CEMIP: variants seen among roughly 807,000 people sequenced by gnomAD.
The protein encoded by CEMIP is cell migration inducing hyaluronidase 1, also known as cell migration-inducing and hyaluronan-binding protein.
In CEMIP, 105 loss-of-function variants were observed where a neutral mutation model predicts 156.9. The observed-to-expected ratio is 0.67, with a 90% CI of 0.57 to 0.79. The LOEUF is 0.79. Ranked by LOEUF, CEMIP falls within the 30% of genes least tolerant of loss-of-function variation. The probability of loss-of-function intolerance (pLI) is 0.00; values close to 1 mark genes in which losing one functional copy is unlikely to be tolerated. For synonymous variants in CEMIP, 676 were observed against 668.4 expected (o/e 1.01, Z -0.17); for missense variants, 1,457 against 1,769.4 (o/e 0.82, Z 3.17).
intron 1 of CEMIP, among the ~76,000 whole-genome samples, chr15:80,798,977 C>T (rs1010041613): frequency 5.3e-5 from 8 of 152,204 alleles, no homozygotes; most frequent in Non-Finnish European, 1.0e-4. Flanking sequence ...TACTAACTTG[C>T]TATCCCAGGA....
intron 1 of CEMIP, among the ~76,000 whole-genome samples, chr15:80,833,887 C>T (rs1272076914): frequency 3.3e-5 from 5 of 152,120 alleles, no homozygotes. Flanking sequence ...CCAGGCTGGT[C>T]TTGAACTCGT....
At chr15:80,832,245 C>T (rs530162530) in intron 1 of CEMIP, among the ~76,000 whole-genome samples, 1 of 151,790 alleles carries the variant, frequency 6.6e-6, no homozygotes, top group Non-Finnish European at 1.5e-5. Flanking sequence ...AAGTAATTCA[C>T]TCTTTGATCT....
At chr15:80,837,522 C>T (rs1275883578) in intron 1 of CEMIP, among the ~76,000 whole-genome samples, 1 of 152,198 alleles carries the variant, frequency 6.6e-6, no homozygotes, top group Non-Finnish European at 1.5e-5. Flanking sequence ...AAGGGTTGCC[C>T]AGAAACATAC....
intron 14 of CEMIP, among the ~76,000 whole-genome samples, chr15:80,918,287 A>C (rs1225466217): frequency 6.6e-6 from 1 of 152,104 alleles, no homozygotes; most frequent in Non-Finnish European, 1.5e-5. Context: ...AAAAAGAAAA[A>C]AGAAAAAAAA....
chr15:80,783,346 C>T (rs1210395987), intron 1 of CEMIP, among the ~76,000 whole-genome samples: 1 of 152,226 alleles, frequency 6.6e-6, no homozygotes, highest in Non-Finnish European at 1.5e-5. Context: ...GTCTGGACTA[C>T]ACATCTCTTT....
At chr15:80,840,700 G>A (rs916692092) in intron 1 of CEMIP, among the ~76,000 whole-genome samples, 12 of 152,330 alleles carry the variant, frequency 7.9e-5, no homozygotes, top group Admixed American at 2.0e-4. Context: ...TGCAGCGCCC[G>A]AGTGTTTGCC....
chr15:80,851,888 C>T (rs1225093855), intron 1 of CEMIP, among the ~76,000 whole-genome samples: 1 of 152,032 alleles, frequency 6.6e-6, no homozygotes, highest in Non-Finnish European at 1.5e-5. Flanking sequence ...GAAAGACTAT[C>T]CTGGCAGCAG....
intron 25 of CEMIP, among the ~76,000 whole-genome samples, chr15:80,939,004 TC>T (rs1173308664): frequency 1.3e-5 from 2 of 152,116 alleles, no homozygotes; most frequent in Non-Finnish European, 2.9e-5. Flanking sequence ...AAATTTAGAA[TC>T]AAAAGTATAA....
intron 1 of CEMIP, among the ~76,000 whole-genome samples, chr15:80,803,275 G>A (rs1896424393): frequency 1.3e-5 from 2 of 152,138 alleles, no homozygotes; most frequent in Admixed American, 1.3e-4. Context: ...AGGTTATTGG[G>A]ACAGCATTTC....
intron 1 of CEMIP, among the ~76,000 whole-genome samples, chr15:80,784,507 C>G (rs190896606): frequency 3.9e-5 from 6 of 152,236 alleles, no homozygotes; most frequent in Admixed American, 6.5e-5. Context: ...AGTGCAGTGG[C>G]CTGGAGGACA....
At chr15:80,805,266 C>T (rs867069007) in intron 1 of CEMIP, among the ~76,000 whole-genome samples, 4 of 152,220 alleles carry the variant, frequency 2.6e-5, no homozygotes, top group Middle Eastern at 3.4e-3. Flanking sequence ...GAGTCAGGTC[C>T]GAAGCAAAAG....
chr15:80,843,360 C>T (rs368140789), intron 1 of CEMIP, among the ~76,000 whole-genome samples: 107 of 152,186 alleles, frequency 7.0e-4, no homozygotes, highest in African/African-American at 2.5e-3. Context: ...AAGCTGGCAC[C>T]GTTTAGATGC....
intron 1 of CEMIP, among the ~76,000 whole-genome samples, chr15:80,798,624 T>G (rs988042113): frequency 6.6e-6 from 1 of 152,204 alleles, no homozygotes; most frequent in African/African-American, 2.4e-5. Flanking sequence ...TTGAAAGCCA[T>G]CCTATGTATT....
chr15:80,811,994 T>C (rs1435063047), intron 1 of CEMIP, among the ~76,000 whole-genome samples: 1 of 152,052 alleles, frequency 6.6e-6, no homozygotes, highest in Non-Finnish European at 1.5e-5. Context: ...TGACTCCACG[T>C]CCCGGTTTGT....
chr15:80,947,040 G>A lies in CEMIP; in HGVS notation c.3933G>A (p.Gly1311=). The change falls in exon 29 of 30, where the codon GGG becomes GGA. Residue 1311 remains glycine, a synonymous_variant. Transcript: ENST00000394685. ...GGACCAGAGTGCTGGAAAAGCTTGG[G>A]GCAGACAGGGGTCTCAAGTTGAAAG... The part of the protein sequence containing the change: ...GPWTRVLEKL[G]ADRGLKLKEQ... The A allele has an allele frequency of 6.2e-7, 1 of 1,613,676 alleles. No individual in the cohort carries two copies.
At chr15:80,930,222 T>A (rs994747364) in intron 21 of CEMIP, among the ~76,000 whole-genome samples, 7 of 152,286 alleles carry the variant, frequency 4.6e-5, no homozygotes, top group Non-Finnish European at 7.3e-5. Context: ...GGCAAAATCA[T>A]GGTCTCCTTC....
chr15:80,807,070 G>A (rs1018617895), intron 1 of CEMIP, among the ~76,000 whole-genome samples: 14 of 152,112 alleles, frequency 9.2e-5, no homozygotes, highest in African/African-American at 3.4e-4. Flanking sequence ...AAAGTATTAT[G>A]AGTTTGGGTG....
At chr15:80,793,430 G>A (rs563223057) in intron 1 of CEMIP, among the ~76,000 whole-genome samples, 43 of 152,290 alleles carry the variant, frequency 2.8e-4, no homozygotes, top group African/African-American at 1.0e-3. Context: ...AAAGTGAAGG[G>A]GAGTGGTTAC....
intron 1 of CEMIP, among the ~76,000 whole-genome samples, chr15:80,793,244 A>T (rs933258454): frequency 6.6e-6 from 1 of 152,210 alleles, no homozygotes; most frequent in African/African-American, 2.4e-5. Flanking sequence ...GCTTTCATTC[A>T]GGACGTCTTT....
Sources: allele counts gnomAD v4.1 joint callset (sites outside exome capture counted in the v4.1 genomes callset), GRCh38; gene constraint gnomAD v4.1.1; transcripts MANE v1.5; gene names NCBI Gene and HGNC (gene_info 2026-07-23, HGNC 2026-07-21).